The following SPAG16 variants were observed in gnomAD, a reference collection of about 807,000 sequenced individuals.
The protein encoded by SPAG16 is sperm associated antigen 16.
SPAG16 carries 86 observed loss-of-function variants against 80.4 expected under a neutral mutation model. That is an observed-to-expected ratio of 1.07 (90% confidence interval 0.90 to 1.28). The LOEUF is 1.28. Ranked by LOEUF, SPAG16 falls within the 50% of genes most tolerant of loss-of-function variation. SPAG16 has a pLI of 0.00. For synonymous variants in SPAG16, 294 were observed against 265.9 expected (o/e 1.11, Z -1.03); for missense variants, 870 against 765.3 (o/e 1.14, Z -1.61).
chr2:213,754,897 TATC>T (rs1360666314), intron 10 of SPAG16, among the ~76,000 whole-genome samples: 4 of 152,232 alleles, frequency 2.6e-5, no homozygotes, highest in Non-Finnish European at 4.4e-5. Context: ...TGAATAGTGA[TATC>T]ATGCTGTTGG....
At chr2:213,541,816 G>T (rs1048403090) in intron 10 of SPAG16, among the ~76,000 whole-genome samples, 1 of 151,020 alleles carries the variant, frequency 6.6e-6, no homozygotes, top group African/African-American at 2.5e-5. Context: ...CTTGTCTATA[G>T]AAAGAAATGT....
At chr2:213,912,780 G>T (rs1418553347) in intron 11 of SPAG16, among the ~76,000 whole-genome samples, 2 of 151,976 alleles carry the variant, frequency 1.3e-5, no homozygotes, top group African/African-American at 4.8e-5. Context: ...ATTCTACCCC[G>T]ACTACCACAG....
chr2:214,155,605 T>C (rs1342401474), intron 15 of SPAG16, among the ~76,000 whole-genome samples: 1 of 152,084 alleles, frequency 6.6e-6, no homozygotes, highest in East Asian at 1.9e-4. Flanking sequence ...CCTGAGAAGC[T>C]AGGAAGACAG....
At chr2:213,494,165 G>T (rs1209527682) in intron 10 of SPAG16, among the ~76,000 whole-genome samples, 1 of 152,122 alleles carries the variant, frequency 6.6e-6, no homozygotes, top group African/African-American at 2.4e-5. Context: ...CCAGATTTCT[G>T]GTTGATAGGT....
intron 15 of SPAG16, among the ~76,000 whole-genome samples, chr2:214,162,599 A>G (rs79209404): frequency 3.9e-5 from 6 of 152,224 alleles, no homozygotes; most frequent in Non-Finnish European, 5.9e-5. Context: ...TTGTGATGCC[A>G]CTTTTATTAG....
intron 10 of SPAG16, among the ~76,000 whole-genome samples, chr2:213,779,865 G>T (rs139099706): frequency 6.6e-6 from 1 of 152,306 alleles, no homozygotes; most frequent in East Asian, 1.9e-4. Flanking sequence ...TGGAATACTT[G>T]ATAAGCCACC....
At chr2:213,292,682 A>AACAAC (rs2062337093) in intron 1 of SPAG16, among the ~76,000 whole-genome samples, 1 of 134,274 alleles carries the variant, frequency 7.4e-6, no homozygotes, top group African/African-American at 2.9e-5. Context: ...AAAACAAAAA[A>AACAAC]AACAAAAAAA....
chr2:213,713,887 A>G (rs2066116511), intron 10 of SPAG16, among the ~76,000 whole-genome samples: 1 of 152,226 alleles, frequency 6.6e-6, no homozygotes, highest in South Asian at 2.1e-4. Context: ...GGGAAATTGA[A>G]CAAAGTATAA....
chr2:213,850,332 A>G (rs1484742037), intron 10 of SPAG16, among the ~76,000 whole-genome samples: 1 of 152,252 alleles, frequency 6.6e-6, no homozygotes, highest in Non-Finnish European at 1.5e-5. Context: ...AATAAGAGAA[A>G]AGCAAAACAA....
intron 12 of SPAG16, among the ~76,000 whole-genome samples, chr2:213,980,058 G>A (rs576153206): frequency 4.0e-5 from 6 of 151,530 alleles, no homozygotes; most frequent in East Asian, 1.9e-4. Flanking sequence ...TACTGAAATC[G>A]CATGAAAACT....
intron 14 of SPAG16, among the ~76,000 whole-genome samples, chr2:214,132,199 C>G (rs2054816859): frequency 6.6e-6 from 1 of 152,058 alleles, no homozygotes; most frequent in Non-Finnish European, 1.5e-5. Context: ...CTTTGACTTT[C>G]CAGGTATGGA....
In SPAG16 at chr2:213,310,319, AAC is replaced by A. The variant is rs59407158; in HGVS notation, c.398+196_398+197del. The A allele has an allele frequency of 4.0e-3, 1,382 of 347,560 alleles. 17 individuals are homozygous for A. The highest frequency in any genetic ancestry group is 0.029 in the African/African-American group (1,236 of 42,016). The allele number at this position is 347,560 out of a possible 1,614,324, so 21.5% of individuals were successfully genotyped here. The stretch of plus-strand genomic sequence containing the variant: ...TTCCCATCTCCAGCCCTGAAACCAC[AAC>A]ACACACACACACACACACACACACA... On this transcript the variant is annotated intron_variant, in intron 4 of 15. Coordinates refer to ENST00000331683, the MANE Select transcript of SPAG16 (RefSeq NM_024532.5).
chr2:214,084,714 C>T (rs1281519824), intron 13 of SPAG16, among the ~76,000 whole-genome samples: 1 of 152,182 alleles, frequency 6.6e-6, no homozygotes, highest in Non-Finnish European at 1.5e-5. Flanking sequence ...TCTGAATTCC[C>T]TACTTCAATA....
intron 14 of SPAG16, among the ~76,000 whole-genome samples, chr2:214,116,926 C>A (rs2053962629): frequency 6.6e-6 from 1 of 152,092 alleles, no homozygotes; most frequent in Admixed American, 6.5e-5. Context: ...GAACAAATAC[C>A]CAGTCTTTCA....
intron 10 of SPAG16, among the ~76,000 whole-genome samples, chr2:213,773,117 T>C (rs1161583627): frequency 6.6e-6 from 1 of 152,202 alleles, no homozygotes; most frequent in Non-Finnish European, 1.5e-5. Context: ...ATTTGGTTTA[T>C]CCCTTTTAGA....
chr2:213,389,993 G>A (rs1437806082), intron 9 of SPAG16, among the ~76,000 whole-genome samples: 2 of 152,252 alleles, frequency 1.3e-5, no homozygotes, highest in East Asian at 3.9e-4. Context: ...AGTGTTCATT[G>A]GCAGCTGAAG....
At chr2:213,837,861 A>G (rs1396999008) in intron 10 of SPAG16, among the ~76,000 whole-genome samples, 2 of 152,202 alleles carry the variant, frequency 1.3e-5, no homozygotes, top group African/African-American at 4.8e-5. Context: ...AAGCAGGGCC[A>G]GAGCCAGAGA....
At chr2:213,907,871 A>G (rs1387650414) in intron 11 of SPAG16, among the ~76,000 whole-genome samples, 1 of 152,172 alleles carries the variant, frequency 6.6e-6, no homozygotes. Flanking sequence ...ACAGGCTGAG[A>G]AGGGGAGGGA....
At chr2:213,546,124 A>G (rs2076604722) in intron 10 of SPAG16, among the ~76,000 whole-genome samples, 1 of 152,126 alleles carries the variant, frequency 6.6e-6, no homozygotes, top group African/African-American at 2.4e-5. Context: ...AAGGACTCTC[A>G]GGCCTAACTG....
Sources: gnomAD v4.1 joint callset for allele counts (sites outside exome capture counted in the v4.1 genomes callset) on GRCh38, gnomAD v4.1.1 for gene constraint, MANE v1.5 for transcripts, NCBI Gene and HGNC (gene_info 2026-07-23, HGNC 2026-07-21) for gene names.